RBMS3: variants seen among roughly 807,000 people sequenced by gnomAD.
The protein encoded by RBMS3 is RNA-binding motif, single-stranded-interacting protein 3.
Under a neutral mutation model 66.8 loss-of-function variants are expected in RBMS3, and 27 were observed. The observed-to-expected ratio is 0.40, with a 90% CI of 0.30 to 0.56. RBMS3 has a LOEUF of 0.56. Ranked by LOEUF, RBMS3 falls within the 20% of genes least tolerant of loss-of-function variation. The pLI, the probability that RBMS3 is intolerant of heterozygous loss-of-function variation, is 0.40. For synonymous variants in RBMS3, 188 were observed against 183.0 expected, an observed-to-expected ratio of 1.03 and a Z score of -0.22; for missense variants, 513 against 549.5, an observed-to-expected ratio of 0.93 and a Z score of 0.66.
chr3:29,942,772 C>G (rs945443119), intron 11 of RBMS3, among the ~76,000 whole-genome samples: 5 of 145,880 alleles, frequency 3.4e-5, no homozygotes, highest in Non-Finnish European at 4.5e-5. Flanking sequence ...TAAGTATATT[C>G]TTGGAAAATG....
chr3:29,597,674 T>C (rs2034909), intron 4 of RBMS3, among the ~76,000 whole-genome samples: 22,754 of 152,126 alleles, frequency 0.15, 1,963 homozygotes, highest in East Asian at 0.32. Context: ...CTTAAGAGAA[T>C]ATTCAACTTT....
intron 3 of RBMS3, among the ~76,000 whole-genome samples, chr3:29,504,452 T>C (rs546551563): frequency 6.6e-6 from 1 of 152,186 alleles, no homozygotes; most frequent in African/African-American, 2.4e-5. Context: ...TCTGTCTGAT[T>C]TATTTATTTA....
intron 2 of RBMS3, among the ~76,000 whole-genome samples, chr3:29,450,800 G>A (rs1242272875): frequency 1.3e-5 from 2 of 151,940 alleles, no homozygotes; most frequent in African/African-American, 2.4e-5. Context: ...TACTTAATGT[G>A]TCAAAAATAG....
chr3:29,848,752 A>C (rs1210298493), intron 6 of RBMS3, among the ~76,000 whole-genome samples: 3 of 152,198 alleles, frequency 2.0e-5, no homozygotes, highest in Non-Finnish European at 4.4e-5. Context: ...GAAAGCAACC[A>C]TCCAGGGATG....
intron 4 of RBMS3, among the ~76,000 whole-genome samples, chr3:29,642,401 TA>T: frequency 6.6e-6 from 1 of 152,006 alleles, no homozygotes; most frequent in Middle Eastern, 3.4e-3. Flanking sequence ...TTAGTTTCCT[TA>T]AAAAGGAAAC....
At position 29,897,403 on chromosome 3, in the gene RBMS3, T is replaced by A; in HGVS notation, c.816T>A (p.Ile272=). The part of the protein sequence containing the change: ...QNGFYSSPYS[I]ATNRMIPQTS... ...GATTTTATTCTTCACCGTACAGTAT[T>A]GCAACCAACCGCATGATTCCACAGA... The change falls in exon 9 of 15, where the codon ATT becomes ATA. Residue 272 remains isoleucine (I), a synonymous_variant. Coordinates refer to ENST00000383767, the MANE Select transcript of RBMS3 (RefSeq NM_001003793.3). The A allele has an allele frequency of 6.2e-7, 1 of 1,611,086 alleles. No individual in the cohort carries two copies. Among genetic ancestry groups the A allele is most frequent in the East Asian group, 2.2e-5 (1 of 44,784 alleles).
chr3:29,801,284 T>TTTTTTTTTTTG (rs2057382431), intron 6 of RBMS3, among the ~76,000 whole-genome samples: 1 of 150,682 alleles, frequency 6.6e-6, no homozygotes, highest in South Asian at 2.1e-4. Flanking sequence ...TTTTTTTTTT[T>TTTTTTTTTTTG]TGAGACAAAG....
intron 10 of RBMS3, among the ~76,000 whole-genome samples, chr3:29,911,951 G>A (rs935957541): frequency 2.0e-5 from 3 of 151,754 alleles, no homozygotes; most frequent in African/African-American, 7.3e-5. Context: ...ATATTCACAT[G>A]ATAGAAAAAT....
At chr3:29,713,867 C>A (rs186464181) in intron 4 of RBMS3, among the ~76,000 whole-genome samples, 28 of 152,172 alleles carry the variant, frequency 1.8e-4, no homozygotes, top group African/African-American at 6.3e-4. Context: ...CCAGCCTGGG[C>A]AACATGGTGA....
At chr3:29,727,973 A>T (rs186511187) in intron 4 of RBMS3, among the ~76,000 whole-genome samples, 17 of 152,328 alleles carry the variant, frequency 1.1e-4, no homozygotes, top group Admixed American at 7.2e-4. Flanking sequence ...TCCATCAATG[A>T]TAGACTGGAT....
chr3:29,293,369 A>G (rs1364643865), intron 1 of RBMS3, among the ~76,000 whole-genome samples: 2 of 151,752 alleles, frequency 1.3e-5, no homozygotes, highest in Non-Finnish European at 2.9e-5. Context: ...CACAGTACCA[A>G]CTGCTTATTA....
chr3:29,449,084 A>T (rs2041930038), intron 2 of RBMS3, among the ~76,000 whole-genome samples: 1 of 152,230 alleles, frequency 6.6e-6, no homozygotes, highest in African/African-American at 2.4e-5. Context: ...TCATTTGTGG[A>T]TGACACCAAA....
intron 4 of RBMS3, among the ~76,000 whole-genome samples, chr3:29,729,799 G>A (rs957091290): frequency 4.0e-5 from 6 of 149,452 alleles, no homozygotes; most frequent in African/African-American, 1.5e-4. Context: ...AACCAAAAAA[G>A]AGCCCTCATA....
chr3:29,488,492 G>A lies in RBMS3; in HGVS notation c.300G>A (p.Gln100=). ...CAATTCTTGACAAAAACACAAATCA[G>A]TGCAAAGGTATGTGTAAGGGCATCC... ...TKAILDKNTN[Q]CKGYGFVDFD... is the part of the protein sequence containing the mutation. Residue 100 remains glutamine (Q), a synonymous_variant, in exon 3 of 15, where the codon CAG becomes CAA. Coordinates refer to ENST00000383767, the MANE Select transcript of RBMS3 (RefSeq NM_001003793.3). 6.2e-7 allele frequency: 1 copy of A among 1,611,498 alleles called. No individual in the cohort carries two copies. Among genetic ancestry groups the A allele is most frequent in the Non-Finnish European group, 8.5e-7 (1 of 1,177,736 alleles).
chr3:29,623,175 G>C (rs1318156551), intron 4 of RBMS3, among the ~76,000 whole-genome samples: 2 of 142,050 alleles, frequency 1.4e-5, no homozygotes, highest in Non-Finnish European at 3.1e-5. Flanking sequence ...TTAACTTGGG[G>C]GGGGGGGTCT....
chr3:29,504,773 A>G (rs1156889861), intron 3 of RBMS3, among the ~76,000 whole-genome samples: 1 of 151,758 alleles, frequency 6.6e-6, no homozygotes, highest in Non-Finnish European at 1.5e-5. Flanking sequence ...TCTTTTTCCT[A>G]ATAGCCATTC....
At chr3:29,402,863 A>G (rs2039870303) in intron 1 of RBMS3, among the ~76,000 whole-genome samples, 1 of 152,066 alleles carries the variant, frequency 6.6e-6, no homozygotes, top group Admixed American at 6.6e-5. Context: ...GGCTAGGATG[A>G]TAAACTGGAG....
chr3:29,375,889 A>T (rs1201789726), intron 1 of RBMS3, among the ~76,000 whole-genome samples: 1 of 152,256 alleles, frequency 6.6e-6, no homozygotes, highest in South Asian at 2.1e-4. Context: ...TTATAAAGAT[A>T]CATGCACGTG....
chr3:29,447,848 A>G (rs775191428), intron 2 of RBMS3, among the ~76,000 whole-genome samples: 19 of 152,196 alleles, frequency 1.2e-4, no homozygotes, highest in Non-Finnish European at 2.6e-4. Flanking sequence ...GACCTTGTGT[A>G]TATAAACAGA....
Sources: allele counts gnomAD v4.1 joint callset (sites outside exome capture counted in the v4.1 genomes callset), GRCh38; gene constraint gnomAD v4.1.1; transcripts MANE v1.5; gene names NCBI Gene and HGNC (gene_info 2026-07-23, HGNC 2026-07-21).